Variants in AUTS2 observed in about 807,000 individuals in gnomAD.
AUTS2 encodes the protein autism susceptibility gene 2 protein.
Under a neutral mutation model 112.4 loss-of-function variants are expected in AUTS2, and 17 were observed. The ratio of observed to expected loss-of-function variants is 0.15; its 90% CI spans 0.10 to 0.23. The LOEUF (loss-of-function observed/expected upper bound fraction) is 0.23. Ranked by LOEUF, AUTS2 falls within the 10% of genes least tolerant of loss-of-function variation. AUTS2 has a pLI of 1.00. For missense variants in AUTS2, 1,510 were observed against 1,701.6 expected (o/e 0.89, Z 1.98); for synonymous variants, 751 against 702.7 (o/e 1.07, Z -1.09).
chr7:70,715,622 C>T (rs1810324048), intron 6 of AUTS2, among the ~76,000 whole-genome samples: 1 of 152,048 alleles, frequency 6.6e-6, no homozygotes, highest in South Asian at 2.1e-4. Flanking sequence ...ACCTTCGCCT[C>T]CTGGACTCTA....
At chr7:70,509,585 C>G (rs967278977) in intron 5 of AUTS2, among the ~76,000 whole-genome samples, 2 of 152,200 alleles carry the variant, frequency 1.3e-5, no homozygotes, top group Admixed American at 1.3e-4. Context: ...TGCTGCCTGT[C>G]TGGCCCACGG....
intron 5 of AUTS2, among the ~76,000 whole-genome samples, chr7:70,629,683 CTTAAAG>C (rs908970990): frequency 5.2e-4 from 79 of 152,200 alleles, no homozygotes; most frequent in African/African-American, 1.8e-3. Flanking sequence ...CCTGGATTTA[CTTAAAG>C]TTAATTTTCA....
At chr7:70,415,276 T>C (rs542166492) in intron 4 of AUTS2, among the ~76,000 whole-genome samples, 2 of 152,324 alleles carry the variant, frequency 1.3e-5, no homozygotes, top group South Asian at 2.1e-4. Flanking sequence ...CCGTAGAGCC[T>C]TGGCCAAGTC....
At chr7:70,321,522 A>G (rs1353044590) in intron 4 of AUTS2, among the ~76,000 whole-genome samples, 1 of 152,204 alleles carries the variant, frequency 6.6e-6, no homozygotes, top group Non-Finnish European at 1.5e-5. Flanking sequence ...ATTGTAAAAA[A>G]TTCTGGTTAC....
chr7:70,162,510 A>G (rs1808145804), intron 4 of AUTS2, among the ~76,000 whole-genome samples: 1 of 146,650 alleles, frequency 6.8e-6, no homozygotes, highest in Non-Finnish European at 1.5e-5. Flanking sequence ...AGTTTGTGCA[A>G]CTGATCATGA....
At chr7:69,972,653 TTGTGTGTGTGTGCGTGCATGTGTG>T (rs1342878902) in intron 2 of AUTS2, among the ~76,000 whole-genome samples, 2 of 146,452 alleles carry the variant, frequency 1.4e-5, no homozygotes, top group African/African-American at 2.5e-5. Context: ...AAGTTTTTCT[TTGTGTGTGTGTGCGTGCATGTGTG>T]TGTGTGTGTG....
intron 4 of AUTS2, among the ~76,000 whole-genome samples, chr7:70,227,628 A>G (rs185008152): frequency 2.0e-5 from 3 of 152,178 alleles, no homozygotes; most frequent in Admixed American, 1.3e-4. Flanking sequence ...GAAAATTTGT[A>G]TATTCTATTT....
intron 4 of AUTS2, among the ~76,000 whole-genome samples, chr7:70,409,744 C>T (rs983360229): frequency 2.0e-5 from 3 of 152,130 alleles, no homozygotes; most frequent in African/African-American, 4.8e-5. Flanking sequence ...TTATTTTTCA[C>T]GTATTATGCT....
chr7:70,539,529 A>G (rs1176974297), intron 5 of AUTS2, among the ~76,000 whole-genome samples: 7 of 152,160 alleles, frequency 4.6e-5, no homozygotes, highest in Non-Finnish European at 7.3e-5. Flanking sequence ...ATAGTTTCCA[A>G]TGAGGATTTA....
chr7:70,317,545 G>A (rs1412639454), intron 4 of AUTS2, among the ~76,000 whole-genome samples: 2 of 152,196 alleles, frequency 1.3e-5, no homozygotes, highest in Admixed American at 1.3e-4. Context: ...GGGAAGTTAA[G>A]TAGTTTGCCT....
intron 4 of AUTS2, among the ~76,000 whole-genome samples, chr7:70,376,230 G>T (rs1021335883): frequency 6.6e-6 from 1 of 152,080 alleles, no homozygotes; most frequent in Admixed American, 6.5e-5. Context: ...CTTGCAGTTC[G>T]CTTTACCTGC....
intron 5 of AUTS2, among the ~76,000 whole-genome samples, chr7:70,660,419 A>T (rs1472654937): frequency 3.9e-5 from 6 of 152,228 alleles, no homozygotes; most frequent in Non-Finnish European, 7.3e-5. Context: ...AGCTCCGTGC[A>T]CAGCTTCTCA....
At chr7:69,941,275 A>AGG (rs1163153988) in intron 2 of AUTS2, among the ~76,000 whole-genome samples, 3 of 152,144 alleles carry the variant, frequency 2.0e-5, no homozygotes, top group Non-Finnish European at 4.4e-5. Context: ...CAACAGTGGG[A>AGG]GGGACGGATG....
chr7:69,970,599 A>C (rs952767758), intron 2 of AUTS2, among the ~76,000 whole-genome samples: 2 of 152,080 alleles, frequency 1.3e-5, no homozygotes, highest in Non-Finnish European at 2.9e-5. Flanking sequence ...TCCCTGCCAC[A>C]TTCATGGTGC....
At chr7:70,034,586 T>C (rs1800918151) in intron 2 of AUTS2, among the ~76,000 whole-genome samples, 1 of 152,236 alleles carries the variant, frequency 6.6e-6, no homozygotes. Context: ...GTATTATTGC[T>C]GCATTTGGTA....
intron 2 of AUTS2, among the ~76,000 whole-genome samples, chr7:70,099,605 C>T (rs1284982679): frequency 6.6e-6 from 1 of 152,010 alleles, no homozygotes; most frequent in African/African-American, 2.4e-5. Context: ...TATTCTTCCA[C>T]TCAGATCAGA....
chr7:70,290,791 T>C (rs1788673518), intron 4 of AUTS2: 6 of 506,710 alleles, frequency 1.2e-5, no homozygotes, highest in Non-Finnish European at 1.7e-5. Context: ...AAAAGAGTGC[T>C]GCTTGCCAAG....
chr7:69,908,993 A>C (rs1377962816), intron 2 of AUTS2, among the ~76,000 whole-genome samples: 1 of 152,174 alleles, frequency 6.6e-6, no homozygotes, highest in East Asian at 1.9e-4. Context: ...AAGGAACTGG[A>C]GTTCCTTCAG....
In AUTS2 at chr7:70,060,310, G is replaced by A. The variant is rs928742743; in HGVS notation, c.523-57822G>A. On this transcript the variant is annotated intron_variant, in intron 2 of 18. Transcript: ENST00000342771. Reference sequence around the variant, plus strand: ...TGTATAAGGGCAACTAAGTGAACAGGAAGCTGTGCTTCTCAGAATGGGGAG... The same window carrying A: ...TGTATAAGGGCAACTAAGTGAACAGAAAGCTGTGCTTCTCAGAATGGGGAG... Among the ~76,000 whole-genome samples, 9 of 152,350 alleles carry A rather than the reference G, an allele frequency of 5.9e-5. No homozygotes were observed. In the South Asian group the frequency reaches 1.9e-3, roughly 32 times the overall value.
Sources: gnomAD v4.1 joint callset for allele counts (sites outside exome capture counted in the v4.1 genomes callset) on GRCh38, gnomAD v4.1.1 for gene constraint, MANE v1.5 for transcripts, NCBI Gene and HGNC (gene_info 2026-07-23, HGNC 2026-07-21) for gene names.